Variants in CLEC4F observed in about 807,000 individuals in gnomAD.
CLEC4F encodes the protein C-type (calcium dependent, carbohydrate-recognition domain) lectin, superfamily member 13.
A neutral mutation model predicts 53.4 loss-of-function variants in CLEC4F; 45 were observed. The ratio of observed to expected loss-of-function variants is 0.84; its 90% CI spans 0.66 to 1.08. CLEC4F has a LOEUF of 1.08. Among genes scored for constraint, CLEC4F ranks in the 50% least tolerant of loss-of-function variants. CLEC4F has a pLI of 0.00. For synonymous variants in CLEC4F, 245 were observed against 257.5 expected, an observed-to-expected ratio of 0.95 and a Z score of 0.46; for missense variants, 753 against 698.2, an observed-to-expected ratio of 1.08 and a Z score of -0.88.
chr2:70,824,627 A>AAAAAAAAAAC (rs1677304528), upstream of CLEC4F, among the ~76,000 whole-genome samples: 2 of 148,342 alleles, frequency 1.3e-5, no homozygotes, highest in Non-Finnish European at 3.0e-5. Context: ...GTTACCAAAA[A>AAAAAAAAAAC]AAAAAAAAAA....
At chr2:70,823,622 C>T (rs1677280889), upstream of CLEC4F, among the ~76,000 whole-genome samples, 2 of 152,050 alleles carry the variant, frequency 1.3e-5, no homozygotes, top group South Asian at 4.2e-4. Context: ...GGCCCTAGCT[C>T]TTCTATTTCC....
intron 1 of CLEC4F, 57 bp from the exon 2 acceptor site, chr2:70,819,948 G>T: frequency 8.5e-7 from 1 of 1,176,108 alleles, no homozygotes; most frequent in Non-Finnish European, 1.2e-6. Context: ...GTAAGAGGGT[G>T]CTGTGCAGGC....
chr2:70,821,187 A>T (rs1553397940), upstream of CLEC4F, among the ~76,000 whole-genome samples: 1 of 152,198 alleles, frequency 6.6e-6, no homozygotes, highest in Non-Finnish European at 1.5e-5. Context: ...TAAAAAATAT[A>T]TCTGGTCTTC....
intron 5 of CLEC4F, 103 bp from the exon 6 acceptor site, chr2:70,809,960 A>G (rs1373053837): frequency 1.2e-5 from 9 of 742,918 alleles, no homozygotes; most frequent in Admixed American, 1.0e-4. Flanking sequence ...TTATATATGC[A>G]TATCAAAAAC....
rs546185298 is a variant in CLEC4F, at chr2:70,817,080, G to T, written c.301C>A (p.Arg101=). Residue 101 remains arginine (R), a synonymous_variant, in exon 4 of 7, where the codon CGA becomes AGA. Coordinates refer to ENST00000272367, the MANE Select transcript of CLEC4F (RefSeq NM_173535.3). ...CCTTTAAATGTCTGGATAAGCTCTC[G>T]CATTTCTGCCTCCCTGCCAAAGTGG... is the stretch of plus-strand genomic sequence containing the variant. ...HHHFGREAEM[R]ELIQTFKGHM... is the part of the protein sequence containing the mutation. 3.1e-6 allele frequency: 5 copies of T among 1,610,814 alleles called. 1 individual carries two copies. The South Asian group carries it at 3.3e-5, about 11-fold the overall frequency.
intron 4 of CLEC4F, among the ~76,000 whole-genome samples, chr2:70,813,931 G>C (rs910121318): frequency 3.3e-5 from 5 of 152,098 alleles, no homozygotes; most frequent in Non-Finnish European, 7.3e-5. Flanking sequence ...TGCCTGCCTT[G>C]GCCTCCCAAA....
chr2:70,812,625 G>A, intron 4 of CLEC4F, 27 bp from the exon 5 acceptor site: 1 of 1,612,234 alleles, frequency 6.2e-7, no homozygotes, highest in Non-Finnish European at 8.5e-7. Flanking sequence ...GGAGAAAAGA[G>A]AACCAGGAGC....
intron 5 of CLEC4F, chr2:70,810,748 C>T (rs1258302060): frequency 4.2e-5 from 19 of 456,534 alleles, no homozygotes; most frequent in African/African-American, 6.2e-5. Flanking sequence ...ATATACAGTA[C>T]GTAATTAATG....
At chr2:70,811,425 G>C in intron 5 of CLEC4F, 4 of 625,902 alleles carry the variant, frequency 6.4e-6, no homozygotes, top group South Asian at 2.9e-5. Context: ...CTGTGCCTTG[G>C]TGCCCTGCCT....
intron 5 of CLEC4F, chr2:70,810,910 T>G: frequency 1.9e-6 from 1 of 539,262 alleles, no homozygotes; most frequent in Non-Finnish European, 3.6e-6. Context: ...AATAAACCAA[T>G]GGCACAAAAA....
chr2:70,811,229 C>CA, intron 5 of CLEC4F: 1 of 828,002 alleles, frequency 1.2e-6, no homozygotes, highest in Non-Finnish European at 2.0e-6. Context: ...ACAGCAAGTC[C>CA]AATTAGCTCA....
At position 70,816,161 on chromosome 2, in the gene CLEC4F, G is replaced by A. The variant is rs61740120; in HGVS notation, c.1220C>T (p.Thr407Ile). The A allele has an allele frequency of 2.8e-3, 4,565 of 1,614,210 alleles. 54 individuals are homozygous for A. Among genetic ancestry groups the A allele is most frequent in the African/African-American group, 0.025 (1,891 of 75,044 alleles). Reference sequence around the variant, plus strand: ...CTGCAGATTGCTGTCTAACATCTGGGTCTGGGAAGTTAAGGCTGAAGCATT... The same window carrying A: ...CTGCAGATTGCTGTCTAACATCTGGATCTGGGAAGTTAAGGCTGAAGCATT... ...MKNASALTSQ[T>I]QMLDSNLQKA... The change falls in exon 4 of 7, where the codon ACC becomes ATC. Residue 407 changes from threonine (T) to isoleucine (I), a missense_variant. Transcript: ENST00000272367.
rs78458500 is a variant in CLEC4F, at chr2:70,816,677, G to T, written c.704C>A (p.Thr235Lys). The change falls in exon 4 of 7, where the codon ACG becomes AAG. Residue 235 changes from threonine to lysine, a missense_variant. Thr to Lys is a moderately conservative substitution (Grantham distance 78). Coordinates refer to ENST00000272367, the MANE Select transcript of CLEC4F (RefSeq NM_173535.3). The stretch of plus-strand genomic sequence containing the variant: ...GGCTAACTGAGCCTGGGTATTTGCC[G>T]TTTCCAAACTGGCATTCAACATCTG... ...EIQMLNASLE[T>K]ANTQAQLANS... 3.1e-6 allele frequency: 5 copies of T among 1,614,122 alleles called. No homozygotes were observed. The East Asian group carries it at 1.1e-4, about 36-fold the overall frequency.
At chr2:70,814,838 CA>C (rs60330725) in intron 4 of CLEC4F, among the ~76,000 whole-genome samples, 5,444 of 140,864 alleles carry the variant, frequency 0.039, 174 homozygotes, top group South Asian at 0.13. Context: ...ACACCCTCAC[CA>C]AAAAAAAAAA....
intron 5 of CLEC4F, 93 bp downstream of exon 5, chr2:70,812,354 C>T (rs373776831): frequency 3.1e-5 from 43 of 1,396,038 alleles, no homozygotes; most frequent in Admixed American, 1.0e-4. Context: ...TGGAGGTCTC[C>T]GTCATACCCA....
At chr2:70,822,507 G>A (rs192264658), upstream of CLEC4F, among the ~76,000 whole-genome samples, 13 of 152,266 alleles carry the variant, frequency 8.5e-5, no homozygotes, top group Non-Finnish European at 1.9e-4. Context: ...CATCCCAGTG[G>A]ACAGTGCCAT....
Position 70,820,478 on chromosome 2 carries a change from A to G in CLEC4F, c.46T>C (p.Ser16Pro). The G allele has an allele frequency of 6.3e-7, 1 of 1,588,696 alleles. No individual in the cohort carries two copies. Among genetic ancestry groups the G allele is most frequent in the Non-Finnish European group, 8.6e-7 (1 of 1,165,458 alleles). ...VRFCTDNQCV[S>P]LHPQEVDSVA... ...GTTTTCTCACCTTGGGGGTGCAGGGAGACACACTGGTTATCTGTGCAGAAG... is the reference window on the plus strand; with the variant it reads ...GTTTTCTCACCTTGGGGGTGCAGGGGGACACACTGGTTATCTGTGCAGAAG... The change falls in exon 1 of 7, where the codon TCC (serine) becomes CCC (proline). Residue 16 changes from serine to proline, a missense_variant. Transcript: ENST00000272367.
At chr2:70,811,160 A>G in intron 5 of CLEC4F, 3 of 701,840 alleles carry the variant, frequency 4.3e-6, no homozygotes, top group South Asian at 4.0e-5. Context: ...AGAAAAATCC[A>G]TTGTTCAGCT....
intron 1 of CLEC4F, among the ~76,000 whole-genome samples, 155 bp downstream of exon 1, chr2:70,820,308 A>G (rs1232914856): frequency 2.0e-5 from 3 of 152,238 alleles, no homozygotes; most frequent in Non-Finnish European, 4.4e-5. Flanking sequence ...ATCTGAATTC[A>G]AAGTTCATCC....
Sources: gnomAD v4.1 joint callset for allele counts (sites outside exome capture counted in the v4.1 genomes callset) on GRCh38, gnomAD v4.1.1 for gene constraint, MANE v1.5 for transcripts, NCBI Gene and HGNC (gene_info 2026-07-23, HGNC 2026-07-21) for gene names.